SNTG1: variants seen among roughly 807,000 people sequenced by gnomAD.
SNTG1 encodes syntrophin gamma 1.
Under a neutral mutation model 74.7 loss-of-function variants are expected in SNTG1, and 39 were observed. The observed-to-expected ratio is 0.52, with a 90% CI of 0.40 to 0.68. SNTG1 has a LOEUF of 0.68. SNTG1 is among the 30% of genes least tolerant of loss of function. SNTG1 has a pLI of 0.00. For missense variants in SNTG1, 685 were observed against 609.5 expected, an observed-to-expected ratio of 1.12 and a Z score of -1.30; for synonymous variants, 254 against 217.1, an observed-to-expected ratio of 1.17 and a Z score of -1.49.
At chr8:50,597,670 C>A (rs565766152) in intron 13 of SNTG1, among the ~76,000 whole-genome samples, 6 of 151,960 alleles carry the variant, frequency 3.9e-5, no homozygotes, top group African/African-American at 1.2e-4. Flanking sequence ...ACATTCCCAA[C>A]AACAGTACAA....
intron 15 of SNTG1, among the ~76,000 whole-genome samples, chr8:50,681,756 C>T (rs971399813): frequency 3.9e-4 from 59 of 152,290 alleles, no homozygotes; most frequent in African/African-American, 1.4e-3. Context: ...CATTAAATGC[C>T]ATTTATATGC....
chr8:50,171,379 C>T (rs4873414), intron 1 of SNTG1, among the ~76,000 whole-genome samples: 8 of 151,950 alleles, frequency 5.3e-5, no homozygotes, highest in African/African-American at 7.2e-5. Context: ...GATGTTCAAG[C>T]GCAGGAAGCA....
At chr8:50,439,420 A>G (rs2093337209) in intron 5 of SNTG1, among the ~76,000 whole-genome samples, 2 of 152,058 alleles carry the variant, frequency 1.3e-5, no homozygotes, top group Admixed American at 1.3e-4. Flanking sequence ...AACTCATGTC[A>G]TATATTTATG....
chr8:49,969,335 G>A (rs1585704401), intron 1 of SNTG1, among the ~76,000 whole-genome samples: 1 of 144,522 alleles, frequency 6.9e-6, no homozygotes, highest in East Asian at 2.1e-4. Context: ...ATGGGAAGTT[G>A]TAGAATTTAC....
Position 50,590,487 on chromosome 8 carries a change from C to T in SNTG1, c.811-392C>T, listed in dbSNP as rs182344881. Among the ~76,000 whole-genome samples, 16 of 152,092 alleles carry T rather than the reference C, an allele frequency of 1.1e-4. No individual in the cohort carries two copies. In the South Asian group the frequency reaches 1.5e-3, roughly 14 times the overall value. ...TTTATCCTTTAGCGTTTGGATATTG[C>T]GCTTCCCTGTTCTCTTGAGTGCTAA... On this transcript the variant is annotated intron_variant, in intron 12 of 18. Coordinates refer to ENST00000642720, the MANE Select transcript of SNTG1 (RefSeq NM_018967.5).
intron 1 of SNTG1, among the ~76,000 whole-genome samples, chr8:49,964,497 A>G (rs2129794912): frequency 1.3e-5 from 2 of 152,352 alleles, no homozygotes; most frequent in Admixed American, 1.3e-4. Flanking sequence ...AACTAGGCAG[A>G]TAGGTAGAGA....
intron 12 of SNTG1, among the ~76,000 whole-genome samples, chr8:50,580,696 C>G (rs1301726662): frequency 1.3e-5 from 2 of 152,186 alleles, no homozygotes; most frequent in Admixed American, 6.5e-5. Flanking sequence ...TGAAGGACGT[C>G]TTTGCTTCCC....
At chr8:50,363,526 G>C (rs1211033570) in intron 2 of SNTG1, among the ~76,000 whole-genome samples, 1 of 152,152 alleles carries the variant, frequency 6.6e-6, no homozygotes, top group Non-Finnish European at 1.5e-5. Context: ...GTATGTGTGT[G>C]TGTGTGTAAT....
chr8:50,667,282 C>T (rs183939145), intron 15 of SNTG1, among the ~76,000 whole-genome samples: 30 of 152,086 alleles, frequency 2.0e-4, no homozygotes, highest in South Asian at 1.5e-3. Context: ...ATTGTAAGAA[C>T]GCCAAAGTAA....
At chr8:50,688,423 T>A (rs2131426636) in intron 15 of SNTG1, among the ~76,000 whole-genome samples, 1 of 152,352 alleles carries the variant, frequency 6.6e-6, no homozygotes, top group Middle Eastern at 3.4e-3. Flanking sequence ...CATCTTGAAT[T>A]AATTCTTGTA....
chr8:50,368,946 G>A (rs561143225), intron 2 of SNTG1, among the ~76,000 whole-genome samples: 19 of 152,226 alleles, frequency 1.2e-4, no homozygotes, highest in South Asian at 6.2e-4. Context: ...CAGGCTCAGC[G>A]CTGGAGGGGA....
At chr8:50,369,104 G>T (rs899937016) in intron 2 of SNTG1, among the ~76,000 whole-genome samples, 3 of 152,146 alleles carry the variant, frequency 2.0e-5, no homozygotes, top group Non-Finnish European at 4.4e-5. Context: ...AATGTATTTT[G>T]CATGTGATAA....
chr8:50,074,917 T>A (rs1351945462), intron 1 of SNTG1, among the ~76,000 whole-genome samples: 1 of 152,042 alleles, frequency 6.6e-6, no homozygotes, highest in Non-Finnish European at 1.5e-5. Flanking sequence ...CGCACGCGAG[T>A]TCGGGGTGGG....
chr8:50,479,651 CT>C lies in SNTG1; in HGVS notation c.364-23126del, dbSNP rs2093724220. On this transcript the variant is annotated intron_variant, in intron 8 of 18. Coordinates refer to ENST00000642720, the MANE Select transcript of SNTG1 (RefSeq NM_018967.5). ...TCTGCCTGAGAGCCCTTCCTCTGCA[CT>C]CACTGTGGAGTCTAGCCTTTGGTCT... is the stretch of plus-strand genomic sequence containing the variant. 3.9e-5 allele frequency among the ~76,000 whole-genome samples: 6 copies of C among 152,200 alleles called. No homozygotes were observed. The South Asian group carries it at 1.2e-3, about 32-fold the overall frequency.
chr8:50,614,958 T>G (rs1000681801), intron 13 of SNTG1, among the ~76,000 whole-genome samples: 1 of 151,166 alleles, frequency 6.6e-6, no homozygotes, highest in African/African-American at 2.4e-5. Context: ...TTTTTTTTTT[T>G]TTGAGACGGA....
intron 15 of SNTG1, among the ~76,000 whole-genome samples, chr8:50,669,993 G>C (rs201861094): frequency 1.3e-5 from 2 of 151,490 alleles, no homozygotes; most frequent in South Asian, 2.1e-4. Context: ...ATTCAACAAC[G>C]TTTCATGCTA....
At chr8:50,032,629 G>T (rs1408231165) in intron 1 of SNTG1, among the ~76,000 whole-genome samples, 1 of 152,084 alleles carries the variant, frequency 6.6e-6, no homozygotes, top group Non-Finnish European at 1.5e-5. Flanking sequence ...GCCCATAGCT[G>T]CTCTGCTGTC....
intron 2 of SNTG1, chr8:50,380,944 A>G (rs1180095462): frequency 6.6e-6 from 1 of 152,204 alleles, no homozygotes; most frequent in Non-Finnish European, 1.5e-5. Context: ...TTGGTCAGGA[A>G]CCAGGCTGTT....
chr8:49,990,257 A>G (rs557364176), intron 1 of SNTG1, among the ~76,000 whole-genome samples: 24 of 152,144 alleles, frequency 1.6e-4, no homozygotes, highest in African/African-American at 5.8e-4. Context: ...ATAATGAACA[A>G]TCTGAAAATG....
Sources: gnomAD v4.1 joint callset for allele counts (sites outside exome capture counted in the v4.1 genomes callset) on GRCh38, gnomAD v4.1.1 for gene constraint, MANE v1.5 for transcripts, NCBI Gene and HGNC (gene_info 2026-07-23, HGNC 2026-07-21) for gene names.